Variants in GTSF1 observed in about 807,000 individuals in gnomAD.
GTSF1 encodes gametocyte specific factor 1.
Under a neutral mutation model 28.9 loss-of-function variants are expected in GTSF1, and 11 were observed. That is an observed-to-expected ratio of 0.38 (90% CI 0.24 to 0.63). The LOEUF (loss-of-function observed/expected upper bound fraction) is 0.63. GTSF1 is among the 30% of genes least tolerant of loss of function. The pLI, the probability that GTSF1 is intolerant of heterozygous loss-of-function variation, is 0.56. For missense variants in GTSF1, 146 were observed against 201.0 expected (o/e 0.73, Z 1.66); for synonymous variants, 69 against 65.6 (o/e 1.05, Z -0.25).
rs1956589936 is a variant in GTSF1 at position 54,471,226 on chromosome 12, T to C, written c.16+7A>G. The C allele has an allele frequency of 1.3e-6, 2 of 1,586,808 alleles. No individual in the cohort carries two copies. The highest frequency in any genetic ancestry group is 8.6e-7 in the Non-Finnish European group (1 of 1,168,066). ...CTTATTTTCTAAAAGCAACAAGGAGTACATACTGTAAGTTTCTTCCATGTT... is the reference window on the plus strand; with the variant it reads ...CTTATTTTCTAAAAGCAACAAGGAGCACATACTGTAAGTTTCTTCCATGTT... On this transcript the variant is annotated splice_region_variant and intron_variant, in intron 2 of 8. Coordinates refer to ENST00000305879, the MANE Select transcript of GTSF1 (RefSeq NM_144594.3).
intron 2 of GTSF1, among the ~76,000 whole-genome samples, chr12:54,466,520 C>A (rs116902153): frequency 6.8e-4 from 103 of 152,272 alleles, no homozygotes; most frequent in Non-Finnish European, 1.3e-3. Context: ...TCTTGACCAG[C>A]AATGTTTCAT....
rs577492849 is a variant in GTSF1, at chr12:54,468,042, T to C, written c.17-2875A>G. 3.3e-5 allele frequency among the ~76,000 whole-genome samples: 5 copies of C among 152,266 alleles called. No individual in the cohort carries two copies. In the East Asian group the frequency reaches 9.7e-4, roughly 29 times the overall value. On this transcript the variant is annotated intron_variant, in intron 2 of 8. Transcript: ENST00000305879. ...TCCCAAAGTGCTAGGATTACAGGTGTGAGCCACCGCGCCTGGCCCAGTTTT... is the reference window on the plus strand; with the variant it reads ...TCCCAAAGTGCTAGGATTACAGGTGCGAGCCACCGCGCCTGGCCCAGTTTT...
chr12:54,460,779 C>T (rs375642557), intron 6 of GTSF1, among the ~76,000 whole-genome samples: 4 of 152,102 alleles, frequency 2.6e-5, no homozygotes, highest in East Asian at 1.9e-4. Context: ...ACTCAATAAA[C>T]GTAAGAGATA....
intron 7 of GTSF1, 63 bp downstream of exon 7, chr12:54,460,314 T>C: frequency 2.5e-6 from 3 of 1,222,834 alleles, no homozygotes; most frequent in Non-Finnish European, 3.6e-6. Flanking sequence ...ATCTGAATAA[T>C]CAAGATCAAC....
intron 2 of GTSF1, among the ~76,000 whole-genome samples, chr12:54,465,571 C>T (rs1956498798): frequency 6.6e-6 from 1 of 152,096 alleles, no homozygotes; most frequent in Non-Finnish European, 1.5e-5. Context: ...TTCTAGTGTG[C>T]TAATACACTG....
At chr12:54,469,075 TTC>T (rs1238018152) in intron 2 of GTSF1, 1 of 152,242 alleles carries the variant, frequency 6.6e-6, no homozygotes, top group Non-Finnish European at 1.5e-5. Flanking sequence ...CACATTCTTC[TTC>T]TTTTTTCTTT....
intron 2 of GTSF1, among the ~76,000 whole-genome samples, chr12:54,468,423 T>C (rs892242719): frequency 6.6e-6 from 1 of 152,320 alleles, no homozygotes; most frequent in East Asian, 1.9e-4. Flanking sequence ...GCCCGGCCAA[T>C]GTATGAGTAT....
chr12:54,467,833 G>A (rs1306510436), intron 2 of GTSF1, among the ~76,000 whole-genome samples: 1 of 150,756 alleles, frequency 6.6e-6, no homozygotes, highest in African/African-American at 2.4e-5. Flanking sequence ...GGAGTGCAAT[G>A]GCGAATCTCG....
At chr12:54,460,325 T>C in intron 7 of GTSF1, 52 bp downstream of exon 7, 4 of 1,295,362 alleles carry the variant, frequency 3.1e-6, no homozygotes, top group Admixed American at 1.7e-5. Context: ...CAAGATCAAC[T>C]GTATTTAGCA....
intron 2 of GTSF1, among the ~76,000 whole-genome samples, chr12:54,470,275 A>C (rs1336908959): frequency 6.6e-6 from 1 of 152,236 alleles, no homozygotes; most frequent in Non-Finnish European, 1.5e-5. Flanking sequence ...AACTTGTTAG[A>C]AATGCAAATT....
At chr12:54,470,116 C>T (rs1215581464) in intron 2 of GTSF1, among the ~76,000 whole-genome samples, 1 of 152,034 alleles carries the variant, frequency 6.6e-6, no homozygotes, top group Non-Finnish European at 1.5e-5. Flanking sequence ...GTGGAAGTTG[C>T]AATGAGCCGA....
intron 2 of GTSF1, chr12:54,466,857 C>T (rs900347380): frequency 1.4e-5 from 2 of 138,376 alleles, no homozygotes; most frequent in Non-Finnish European, 3.1e-5. Context: ...ATTCTGTTGC[C>T]CAGGCTGGAG....
intron 7 of GTSF1, 178 bp from the exon 8 acceptor site, chr12:54,459,303 C>A: frequency 7.0e-7 from 1 of 1,437,614 alleles, no homozygotes; most frequent in Non-Finnish European, 9.1e-7. Flanking sequence ...GAAAATAGAC[C>A]TTTACCTACC....
rs1186535605 is a variant in GTSF1, at chr12:54,456,144, G to A, written c.*30C>T. Reference sequence around the variant, plus strand: ...AGAAGAAGAAGCAACAGTCTTCTAGGGTCTGGCATCTGCAAGTAAATGGAG... The same window carrying A: ...AGAAGAAGAAGCAACAGTCTTCTAGAGTCTGGCATCTGCAAGTAAATGGAG... On this transcript the variant is annotated 3_prime_UTR_variant, in exon 9 of 9. Transcript: ENST00000305879. The A allele has an allele frequency of 6.6e-6, 1 of 152,450 alleles. No individual in the cohort carries two copies. Among genetic ancestry groups the A allele is most frequent in the East Asian group, 1.9e-4 (1 of 5,186 alleles). The allele number at this position is 152,450 out of a possible 1,614,324, so 9.4% of individuals were successfully genotyped here.
In GTSF1 at chr12:54,459,140, AT is replaced by A. The variant is rs1490399939; in HGVS notation, c.488-16del. ...TGCATTTCCATCTACAAGTAGAAAT[AT>A]TTCAAAATAAATACACCATGTCAAT... On this transcript the variant is annotated splice_polypyrimidine_tract_variant and intron_variant, in intron 7 of 8. Coordinates refer to ENST00000305879, the MANE Select transcript of GTSF1 (RefSeq NM_144594.3). 1 of 1,600,752 alleles carries A rather than the reference AT, an allele frequency of 6.2e-7. No individual in the cohort carries two copies. Among genetic ancestry groups the A allele is most frequent in the East Asian group, 2.2e-5 (1 of 44,666 alleles).
At chr12:54,461,124 C>T (rs1956414579) in intron 6 of GTSF1, among the ~76,000 whole-genome samples, 2 of 152,026 alleles carry the variant, frequency 1.3e-5, no homozygotes, top group Non-Finnish European at 2.9e-5. Context: ...GACAAGGACT[C>T]TTTCTGTCAC....
chr12:54,463,357 G>GT, intron 3 of GTSF1, 60 bp from the exon 4 acceptor site: 1 of 1,562,348 alleles, frequency 6.4e-7, no homozygotes, highest in Non-Finnish European at 8.8e-7. Flanking sequence ...TCAACAGGGA[G>GT]TAGCTAAGCC....
At chr12:54,464,543 T>C (rs1243557724) in intron 3 of GTSF1, among the ~76,000 whole-genome samples, 1 of 152,206 alleles carries the variant, frequency 6.6e-6, no homozygotes, top group Admixed American at 6.5e-5. Flanking sequence ...GTAGTTTATA[T>C]CAGCTAAGTC....
At chr12:54,473,424 T>C (rs1032827454) in intron 1 of GTSF1, 122 bp downstream of exon 1, 22 of 152,190 alleles carry the variant, frequency 1.4e-4, no homozygotes, top group Admixed American at 3.9e-4. Flanking sequence ...AATAGCTGCA[T>C]TGAGAGCCCA....
Sources: allele counts gnomAD v4.1 joint callset (sites outside exome capture counted in the v4.1 genomes callset), GRCh38; gene constraint gnomAD v4.1.1; transcripts MANE v1.5; gene names NCBI Gene and HGNC (gene_info 2026-07-23, HGNC 2026-07-21).